BCL3: variants seen among roughly 807,000 people sequenced by gnomAD.
BCL3 encodes the protein BCL3 transcription coactivator.
A neutral mutation model predicts 35.7 loss-of-function variants in BCL3; 15 were observed. The ratio of observed to expected loss-of-function variants is 0.42; its 90% CI spans 0.28 to 0.65. The LOEUF (loss-of-function observed/expected upper bound fraction) is 0.65. BCL3 is among the 30% of genes least tolerant of loss of function. BCL3 has a pLI of 0.22. For synonymous variants in BCL3, 311 were observed against 284.3 expected (o/e 1.09, Z -0.95); for missense variants, 565 against 641.7 (o/e 0.88, Z 1.29).
Position 44,759,900 on chromosome 19 carries a change from T to C in BCL3, c.*285T>C, listed in dbSNP as rs1284606332. The C allele has an allele frequency of 1.3e-5, 5 of 374,518 alleles. No individual in the cohort carries two copies. The East Asian group carries it at 1.8e-4, about 14-fold the overall frequency. The allele number at this position is 374,518 out of a possible 1,614,324, so 23.2% of individuals were successfully genotyped here. A position where few individuals can be genotyped will look rare whatever the true frequency, so the allele number is the denominator to read the frequency against. On this transcript the variant is annotated 3_prime_UTR_variant, in exon 9 of 9. Coordinates refer to ENST00000164227, the MANE Select transcript of BCL3 (RefSeq NM_005178.5). ...TTTCCATGTCCCCTCCCAGAGCTGG[T>C]GGACCCAGGGAACAGCCACTCCCCT... is the stretch of plus-strand genomic sequence containing the variant.
intron 2 of BCL3, 102 bp downstream of exon 2, chr19:44,751,482 C>A: frequency 3.2e-6 from 4 of 1,260,176 alleles, no homozygotes; most frequent in South Asian, 3.3e-5. Flanking sequence ...AGAACTCGGT[C>A]TCCACCACAG....
Position 44,748,827 on chromosome 19 carries a change from C to A in BCL3, c.37C>A (p.Pro13Thr). The change falls in exon 1 of 9, where the codon CCC (proline) becomes ACC (threonine). Residue 13 changes from proline (P) to threonine (T), a missense_variant. By Grantham distance (38) the Pro-to-Thr change is conservative. Coordinates refer to ENST00000164227, the MANE Select transcript of BCL3 (RefSeq NM_005178.5). ...RCPAGAMDEG[P>T]VDLRTRPKAA... ...CCCCGCGGGGGCCATGGACGAGGGG[C>A]CCGTGGACCTGCGCACCCGGCCCAA... 1 of 1,108,716 alleles carries A rather than the reference C, an allele frequency of 9.0e-7. No individual in the cohort carries two copies. Among genetic ancestry groups the A allele is most frequent in the Non-Finnish European group, 1.1e-6 (1 of 910,296 alleles). 68.7% of individuals were successfully genotyped at this position (1,108,716 alleles called of 1,614,324 possible).
rs1265012135 is a variant in BCL3 at position 44,759,710 on chromosome 19, C to G, written c.*95C>G. ...GAAACTGTGAAGATCTCACTCTGCC[C>G]CCCCCCCCCATCTTCGGGACCAGGA... On this transcript the variant is annotated 3_prime_UTR_variant, in exon 9 of 9. Transcript: ENST00000164227. The G allele has an allele frequency of 1.8e-5, 9 of 502,168 alleles. No homozygotes were observed. The highest frequency in any genetic ancestry group is 6.3e-5 in the African/African-American group (1 of 15,894). The allele number at this position is 502,168 out of a possible 1,614,324, so 31.1% of individuals were successfully genotyped here. A position where few individuals can be genotyped will look rare whatever the true frequency, so the allele number is the denominator to read the frequency against.
intron 2 of BCL3, among the ~76,000 whole-genome samples, chr19:44,754,694 C>T (rs1366555678): frequency 1.3e-5 from 2 of 152,150 alleles, no homozygotes; most frequent in Non-Finnish European, 2.9e-5. Flanking sequence ...CTGGGAGATG[C>T]AGAGAAGGGG....
In BCL3 at chr19:44,749,003, G is replaced by C; in HGVS notation, c.213G>C (p.Gly71=). The change falls in exon 1 of 9, where the codon GGG becomes GGC. Residue 71 remains glycine, a synonymous_variant. Coordinates refer to ENST00000164227, the MANE Select transcript of BCL3 (RefSeq NM_005178.5). ...RGGCDLPAVP[G]PPHGLARPEA... is the part of the protein sequence containing the mutation. Reference sequence around the variant, plus strand: ...GCTGCGACCTGCCGGCGGTCCCCGGGCCCCCCCACGGCCTGGCCCGGCCGG... The same window carrying C: ...GCTGCGACCTGCCGGCGGTCCCCGGCCCCCCCCACGGCCTGGCCCGGCCGG... 7.2e-7 allele frequency: 1 copy of C among 1,384,692 alleles called. No homozygotes were observed. The highest frequency in any genetic ancestry group is 1.5e-5 in the South Asian group (1 of 64,716). 85.8% of individuals were successfully genotyped at this position (1,384,692 alleles called of 1,614,324 possible). A position where few individuals can be genotyped will look rare whatever the true frequency, so the allele number is the denominator to read the frequency against.
At position 44,756,317 on chromosome 19, in the gene BCL3, G is replaced by C; in HGVS notation, c.496G>C (p.Asp166His). The C allele has an allele frequency of 6.5e-7, 1 of 1,535,712 alleles. No individual in the cohort carries two copies. Among genetic ancestry groups the C allele is most frequent in the Non-Finnish European group, 8.8e-7 (1 of 1,137,000 alleles). ...NLFQQGGRELDIYNNLRQTPL... is the reference protein window; with the variant it reads ...NLFQQGGRELHIYNNLRQTPL... ...CTTCCAGCAGGGGGGCCGGGAGCTC[G>C]ACATCTACAACAACCTACGGCAGGT... Residue 166 changes from aspartate to histidine, a missense_variant, in exon 3 of 9, where the codon GAC (aspartate) becomes CAC (histidine). Coordinates refer to ENST00000164227, the MANE Select transcript of BCL3 (RefSeq NM_005178.5).
rs1244090596 is a variant in BCL3, at chr19:44,757,085, C to T, written c.588C>T (p.Ala196=). 1.2e-6 allele frequency: 2 copies of T among 1,609,886 alleles called. No individual in the cohort carries two copies. Among genetic ancestry groups the T allele is most frequent in the African/African-American group, 1.3e-5 (1 of 74,804 alleles). The change falls in exon 4 of 9, where the codon GCC becomes GCT. Residue 196 remains alanine, a synonymous_variant. Transcript: ENST00000164227. The surrounding 1 kb of genome is among the most constrained non-coding windows in gnomAD (Gnocchi z 8.4). ...TCCGGCTCCTGGTGACAGCTGGTGC[C>T]AGCCCCATGGCGCTGGACCGCCATG... ...SVVRLLVTAG[A]SPMALDRHGQ...
At chr19:44,750,745 T>C (rs2965129) in intron 1 of BCL3, among the ~76,000 whole-genome samples, 2,892 of 152,184 alleles carry the variant, frequency 0.019, 93 homozygotes, top group African/African-American at 0.067. Flanking sequence ...ATCGTGCCAC[T>C]GCACTCCAGT....
At chr19:44,756,614 G>T (rs10425556) in intron 3 of BCL3, among the ~76,000 whole-genome samples, 23,081 of 147,422 alleles carry the variant, frequency 0.16, 3,023 homozygotes, top group African/African-American at 0.37. Context: ...TGAGGGAGGA[G>T]GGCTGGGGGT....
At position 44,757,583 on chromosome 19, in the gene BCL3, ATG is replaced by A; in HGVS notation, c.814-62_814-61del. ...ACCCCGCGAATGGGATGTGGACGGG[ATG>A]CGGGTCGCCGGCTGCTGGAGCAGAG... On this transcript the variant is annotated intron_variant, in intron 5 of 8. Transcript: ENST00000164227. The surrounding 1 kb of genome is among the most constrained non-coding windows in gnomAD (Gnocchi z 8.4). 3 of 1,586,788 alleles carry A rather than the reference ATG, an allele frequency of 1.9e-6. No homozygotes were observed. Among genetic ancestry groups the A allele is most frequent in the Non-Finnish European group, 2.6e-6 (3 of 1,157,414 alleles).
In BCL3 at chr19:44,759,648, G is replaced by A. The variant is rs1286337955; in HGVS notation, c.*33G>A. 4 of 1,548,930 alleles carry A rather than the reference G, an allele frequency of 2.6e-6. No homozygotes were observed. The South Asian group carries it at 3.5e-5, about 14-fold the overall frequency. The stretch of plus-strand genomic sequence containing the variant: ...GGGGGGGCAGATCTTGGACTCATGA[G>A]GAGGGGCCCCCCTGCCCTGTGGGGT... On this transcript the variant is annotated 3_prime_UTR_variant, in exon 9 of 9. Transcript: ENST00000164227.
chr19:44,759,321 C>CCAGACCCCCAGCCCCCCCTCCCT (rs1967374049), intron 8 of BCL3, 107 bp from the exon 9 acceptor site: 2 of 686,874 alleles, frequency 2.9e-6, no homozygotes, highest in African/African-American at 4.1e-5. Context: ...AGACCCGAGT[C>CCAGACCCCCAGCCCCCCCTCCCT]CAGACCCCCA....
In BCL3 at chr19:44,751,393, C is replaced by T; in HGVS notation, c.410+13C>T. 2 of 1,558,982 alleles carry T rather than the reference C, an allele frequency of 1.3e-6. No homozygotes were observed. Among genetic ancestry groups the T allele is most frequent in the East Asian group, 2.4e-5 (1 of 41,658 alleles). On this transcript the variant is annotated intron_variant, in intron 2 of 8. Coordinates refer to ENST00000164227, the MANE Select transcript of BCL3 (RefSeq NM_005178.5). Reference sequence around the variant, plus strand: ...AGGACGGAGACACGTGAGTGACAGTCCCCTATTAAGGGGAGGGGTGGTTGG... The same window carrying T: ...AGGACGGAGACACGTGAGTGACAGTTCCCTATTAAGGGGAGGGGTGGTTGG...
upstream of BCL3, chr19:44,748,520 C>T (rs1038642387): frequency 9.2e-5 from 18 of 195,460 alleles, no homozygotes; most frequent in South Asian, 1.7e-4. Context: ...GCGCCGCGGG[C>T]CGGGAGGGGG....
intron 2 of BCL3, among the ~76,000 whole-genome samples, chr19:44,754,458 GCTTCC>G (rs1967243626): frequency 2.0e-5 from 3 of 152,256 alleles, no homozygotes; most frequent in Admixed American, 2.0e-4. Flanking sequence ...GGCGGGACAG[GCTTCC>G]CTCCCCCGGG....
In BCL3 at chr19:44,757,482, G is replaced by A; in HGVS notation, c.813+67G>A. 6.7e-7 allele frequency: 1 copy of A among 1,484,582 alleles called. No individual in the cohort carries two copies. The highest frequency in any genetic ancestry group is 9.2e-7 in the Non-Finnish European group (1 of 1,092,106). The allele number at this position is 1,484,582 out of a possible 1,614,324, so 92.0% of individuals were successfully genotyped here. ...AGGGGCGGGGTCTTGGCGGGGGCGG[G>A]GCCAGTGTGGGGCTGGCGTGGGAGA... is the stretch of plus-strand genomic sequence containing the variant. On this transcript the variant is annotated intron_variant, in intron 5 of 8. Coordinates refer to ENST00000164227, the MANE Select transcript of BCL3 (RefSeq NM_005178.5). The surrounding 1 kb of genome is among the most constrained non-coding windows in gnomAD (Gnocchi z 8.4).
Position 44,749,003 on chromosome 19 carries a change from G to GC in BCL3, c.220dup (p.His74ProfsTer51), listed in dbSNP as rs770262318. ...GCTGCGACCTGCCGGCGGTCCCCGG[G>GC]CCCCCCCACGGCCTGGCCCGGCCGG... On this transcript the variant is annotated frameshift_variant, in exon 1 of 9. Transcript: ENST00000164227. LOFTEE classifies it high-confidence loss of function. 60 of 1,384,292 alleles carry GC rather than the reference G, an allele frequency of 4.3e-5. No homozygotes were observed. Among genetic ancestry groups the GC allele is most frequent in the Middle Eastern group, 2.6e-4 (1 of 3,908 alleles). The allele number at this position is 1,384,292 out of a possible 1,614,324, so 85.8% of individuals were successfully genotyped here.
chr19:44,749,497 G>A (rs1967137141), intron 1 of BCL3, among the ~76,000 whole-genome samples: 1 of 152,036 alleles, frequency 6.6e-6, no homozygotes, highest in South Asian at 2.1e-4. Context: ...ACAGAGACTG[G>A]GGTTCTAAGG....
In BCL3 at chr19:44,759,446, C is replaced by A. The variant is rs777392055; in HGVS notation, c.1196C>A (p.Pro399Gln). Reference protein sequence around the residue: ...LSSNGLLSASPSSSPSQSPPR... With the variant: ...LSSNGLLSASQSSSPSQSPPR... Reference sequence around the variant, plus strand: ...TCCTCAGGTCTTCTCTCCGCATCACCATCCTCCTCACCCTCCCAGTCTCCC... The same window carrying A: ...TCCTCAGGTCTTCTCTCCGCATCACAATCCTCCTCACCCTCCCAGTCTCCC... The change falls in exon 9 of 9, where the codon CCA (proline) becomes CAA (glutamine). Residue 399 changes from proline to glutamine, a missense_variant. Pro to Gln is a moderately conservative substitution (Grantham distance 76, BLOSUM62 -1). Coordinates refer to ENST00000164227, the MANE Select transcript of BCL3 (RefSeq NM_005178.5). The A allele has an allele frequency of 1.2e-5, 19 of 1,611,448 alleles. No homozygotes were observed. The highest frequency in any genetic ancestry group is 1.5e-5 in the Non-Finnish European group (18 of 1,178,712).
Sources: gnomAD v4.1 joint callset for allele counts (sites outside exome capture counted in the v4.1 genomes callset) on GRCh38, gnomAD v4.1.1 for gene constraint, Gnocchi (gnomAD v3.1) non-coding constraint, MANE v1.5 for transcripts, NCBI Gene and HGNC (gene_info 2026-07-23, HGNC 2026-07-21) for gene names.